The following NLGN1 variants were observed in gnomAD, a reference collection of about 807,000 sequenced individuals.
The protein encoded by NLGN1 is neuroligin 1.
A neutral mutation model predicts 65.5 loss-of-function variants in NLGN1; 12 were observed. The ratio of observed to expected loss-of-function variants is 0.18; its 90% CI spans 0.12 to 0.30. The LOEUF (loss-of-function observed/expected upper bound fraction) is 0.30. Ranked by LOEUF, NLGN1 falls within the 10% of genes least tolerant of loss-of-function variation. The pLI, the probability that NLGN1 is intolerant of heterozygous loss-of-function variation, is 1.00. For missense variants in NLGN1, 750 were observed against 1,007.1 expected, an observed-to-expected ratio of 0.74 and a Z score of 3.46; for synonymous variants, 350 against 359.5, an observed-to-expected ratio of 0.97 and a Z score of 0.30.
chr3:173,832,716 GTTTTTA>G (rs1722855813), intron 4 of NLGN1, among the ~76,000 whole-genome samples: 1 of 152,084 alleles, frequency 6.6e-6, no homozygotes. Flanking sequence ...TACTTAACTA[GTTTTTA>G]TTTTTAAAGT....
chr3:174,241,568 T>G (rs1742820072), intron 4 of NLGN1, among the ~76,000 whole-genome samples: 1 of 151,498 alleles, frequency 6.6e-6, no homozygotes, highest in Non-Finnish European at 1.5e-5. Context: ...ATCAACACAG[T>G]CTTTATTCTC....
At chr3:174,181,976 CAAAAAA>C (rs551914698) in intron 4 of NLGN1, among the ~76,000 whole-genome samples, 7 of 44,400 alleles carry the variant, frequency 1.6e-4, no homozygotes, top group Middle Eastern at 0.022. Context: ...GACTTGGTGT[CAAAAAA>C]AAAAAAAAAA....
At chr3:173,819,951 A>G (rs1350629725) in intron 4 of NLGN1, among the ~76,000 whole-genome samples, 1 of 152,162 alleles carries the variant, frequency 6.6e-6, no homozygotes, top group Admixed American at 6.5e-5. Flanking sequence ...GTGCTTGCAC[A>G]GGCTTCCTTT....
chr3:174,219,556 T>A (rs903080583), intron 4 of NLGN1, among the ~76,000 whole-genome samples: 14 of 152,142 alleles, frequency 9.2e-5, no homozygotes, highest in Non-Finnish European at 1.9e-4. Flanking sequence ...TTCAGATGAT[T>A]ACCTGCTAAG....
intron 4 of NLGN1, among the ~76,000 whole-genome samples, chr3:174,046,040 T>C (rs1675563976): frequency 1.3e-5 from 2 of 152,310 alleles, no homozygotes; most frequent in Admixed American, 6.5e-5. Flanking sequence ...GTCATTATAC[T>C]CTTAGTGTTT....
intron 2 of NLGN1, among the ~76,000 whole-genome samples, chr3:173,541,405 T>C (rs1738837216): frequency 6.6e-6 from 1 of 152,114 alleles, no homozygotes; most frequent in South Asian, 2.1e-4. Flanking sequence ...GCTTTGTGAC[T>C]TGGGTGGTGC....
At chr3:173,454,384 G>T (rs1163947814) in intron 2 of NLGN1, among the ~76,000 whole-genome samples, 46 of 152,094 alleles carry the variant, frequency 3.0e-4, no homozygotes, top group Non-Finnish European at 4.4e-5. Context: ...TACAAGCCAG[G>T]CATTGACTTG....
chr3:173,515,254 A>G (rs1733635433), intron 2 of NLGN1, among the ~76,000 whole-genome samples: 1 of 152,102 alleles, frequency 6.6e-6, no homozygotes, highest in African/African-American at 2.4e-5. Context: ...ATTATTAGTG[A>G]TATTGAGCAT....
chr3:173,899,154 C>A (rs187149058), intron 4 of NLGN1, among the ~76,000 whole-genome samples: 60 of 152,186 alleles, frequency 3.9e-4, no homozygotes, highest in Admixed American at 8.5e-4. Flanking sequence ...CCACCTCCAT[C>A]AAACTGTGGG....
chr3:174,185,019 A>C (rs953600130), intron 4 of NLGN1, among the ~76,000 whole-genome samples: 39 of 147,428 alleles, frequency 2.6e-4, no homozygotes, highest in Non-Finnish European at 5.5e-4. Context: ...AACACAACTA[A>C]TATAGGAATG....
intron 2 of NLGN1, among the ~76,000 whole-genome samples, chr3:173,476,936 G>A (rs539818355): frequency 1.3e-5 from 2 of 152,240 alleles, no homozygotes; most frequent in South Asian, 2.1e-4. Context: ...AGTTGTGGAA[G>A]CAATTGAAAG....
At chr3:174,176,179 A>G (rs1039951841) in intron 4 of NLGN1, among the ~76,000 whole-genome samples, 1 of 151,932 alleles carries the variant, frequency 6.6e-6, no homozygotes, top group Admixed American at 6.6e-5. Flanking sequence ...CCCTATAATT[A>G]TATGTATTTT....
chr3:174,188,307 A>C (rs1008003767), intron 4 of NLGN1, among the ~76,000 whole-genome samples: 2 of 151,998 alleles, frequency 1.3e-5, no homozygotes, highest in African/African-American at 2.4e-5. Context: ...AACTCTGCTC[A>C]CCTAGAATGT....
intron 4 of NLGN1, among the ~76,000 whole-genome samples, chr3:173,975,889 A>C (rs1298364487): frequency 6.6e-6 from 1 of 152,074 alleles, no homozygotes; most frequent in Non-Finnish European, 1.5e-5. Context: ...TCTTGAGGGC[A>C]GTCATATGTC....
Position 174,004,799 on chromosome 3 carries a change from G to A in NLGN1, c.646+196967G>A, listed in dbSNP as rs140876475. 5.7e-3 allele frequency among the ~76,000 whole-genome samples: 873 copies of A among 152,154 alleles called. 9 individuals are homozygous for A. Among genetic ancestry groups the A allele is most frequent in the Middle Eastern group, 0.024 (7 of 294 alleles). ...AGTAAAATGTTATATAGAGAGAGAG[G>A]ATGAAGGGTGGCCAGGTACAGTTAC... On this transcript the variant is annotated intron_variant, in intron 4 of 6. Coordinates refer to ENST00000457714, the Ensembl canonical transcript of NLGN1.
chr3:174,110,918 TG>T (rs1715066738), intron 4 of NLGN1, among the ~76,000 whole-genome samples: 1 of 151,942 alleles, frequency 6.6e-6, no homozygotes, highest in African/African-American at 2.4e-5. Context: ...CTATGGCCTT[TG>T]GTAAATAGTT....
intron 1 of NLGN1, among the ~76,000 whole-genome samples, chr3:173,413,118 C>A (rs1416207296): frequency 6.6e-6 from 1 of 152,176 alleles, no homozygotes; most frequent in Non-Finnish European, 1.5e-5. Context: ...CCCTCGCAGA[C>A]TGCCCATTCC....
chr3:173,926,745 A>G (rs1743075677), intron 4 of NLGN1, among the ~76,000 whole-genome samples: 1 of 152,162 alleles, frequency 6.6e-6, no homozygotes, highest in Non-Finnish European at 1.5e-5. Flanking sequence ...CAAGTTAGAA[A>G]CTTTTAGAAA....
At chr3:174,157,604 A>G (rs1725690757) in intron 4 of NLGN1, among the ~76,000 whole-genome samples, 1 of 151,782 alleles carries the variant, frequency 6.6e-6, no homozygotes, top group South Asian at 2.1e-4. Context: ...AAATGTTAGA[A>G]ATTTGTAGTA....
Sources: gnomAD v4.1 joint callset for allele counts (sites outside exome capture counted in the v4.1 genomes callset) on GRCh38, gnomAD v4.1.1 for gene constraint, MANE v1.5 for transcripts, NCBI Gene and HGNC (gene_info 2026-07-23, HGNC 2026-07-21) for gene names.